The following A2ML1 variants were observed in gnomAD, a reference collection of about 807,000 sequenced individuals.
A2ML1 encodes the protein alpha-2-macroglobulin like 1, also known as alpha-2-macroglobulin-like protein 1.
In A2ML1, 161 loss-of-function variants were observed where a neutral mutation model predicts 181.9. That is an observed-to-expected ratio of 0.89 (90% confidence interval 0.78 to 1.01). The LOEUF (loss-of-function observed/expected upper bound fraction) is 1.01, where lower values mean the gene tolerates loss of function less well. Ranked by LOEUF, A2ML1 falls within the 50% of genes least tolerant of loss-of-function variation. A2ML1 has a pLI of 0.00. For missense variants in A2ML1, 1,670 were observed against 1,768.1 expected, an observed-to-expected ratio of 0.94 and a Z score of 1.00; for synonymous variants, 663 against 666.8, an observed-to-expected ratio of 0.99 and a Z score of 0.09.
At chr12:8,823,697 C>G (rs181352770) in intron 2 of A2ML1, 23 bp from the exon 3 acceptor site, 17 of 1,608,562 alleles carry the variant, frequency 1.1e-5, no homozygotes, top group Non-Finnish European at 1.4e-5. Context: ...TACCCCTCCC[C>G]AGAAGTCCCC....
rs773102798 is a variant in A2ML1 at position 8,857,833 on chromosome 12, A to G, written c.3108-113A>G. ...CTCTCTTTTCTAGGCCTGCTATGGC[A>G]TATGTTCCCTCAGCTCCCCTTCTGG... On this transcript the variant is annotated intron_variant, in intron 25 of 35. Coordinates refer to ENST00000299698, the MANE Select transcript of A2ML1 (RefSeq NM_144670.6). 313 of 1,435,230 alleles carry G rather than the reference A, an allele frequency of 2.2e-4. 6 individuals are homozygous for G. In the South Asian group the frequency reaches 3.7e-3, roughly 17 times the overall value. 88.9% of individuals were successfully genotyped at this position (1,435,230 alleles called of 1,614,324 possible). A position where few individuals can be genotyped will look rare whatever the true frequency, so the allele number is the denominator to read the frequency against.
chr12:8,841,636 A>T, intron 11 of A2ML1, 100 bp downstream of exon 11: 1 of 1,268,354 alleles, frequency 7.9e-7, no homozygotes, highest in Non-Finnish European at 1.1e-6. Flanking sequence ...GCTTGGAATT[A>T]CATCTTTCTC....
In A2ML1 at chr12:8,861,782, C is replaced by T. The variant is rs906079598; in HGVS notation, c.3502+485C>T. Among the ~76,000 whole-genome samples the T allele has an allele frequency of 1.0e-4, 15 of 149,660 alleles. No homozygotes were observed. In the East Asian group the frequency reaches 3.0e-3, roughly 29 times the overall value. Reference sequence around the variant, plus strand: ...TATTACAGGCATGAGCCACCACGCCCGAGTTTCTCTCTTCTTGCCCAAGCT... The same window carrying T: ...TATTACAGGCATGAGCCACCACGCCTGAGTTTCTCTCTTCTTGCCCAAGCT... On this transcript the variant is annotated intron_variant, in intron 28 of 35. Transcript: ENST00000299698.
intron 28 of A2ML1, 87 bp downstream of exon 28, chr12:8,861,384 C>T: frequency 7.0e-7 from 1 of 1,434,308 alleles, no homozygotes; most frequent in Non-Finnish European, 9.6e-7. Flanking sequence ...CTGTCCCACA[C>T]ATGTACTCTA....
intron 4 of A2ML1, among the ~76,000 whole-genome samples, chr12:8,832,375 T>C (rs1455080197): frequency 2.6e-5 from 4 of 152,186 alleles, no homozygotes; most frequent in African/African-American, 9.7e-5. Flanking sequence ...ATTTCTAATC[T>C]TGTAGCTAAT....
intron 22 of A2ML1, 152 bp from the exon 23 acceptor site, chr12:8,855,357 A>C (rs763133912): frequency 8.9e-5 from 58 of 654,282 alleles, no homozygotes; most frequent in Non-Finnish European, 1.2e-4. Context: ...CAGCAAGATC[A>C]CTATGAATAG....
rs1250927039 is a variant in A2ML1 at position 8,874,277 on chromosome 12, A to G, written c.4222-148A>G. On this transcript the variant is annotated intron_variant, in intron 33 of 35. Transcript: ENST00000299698. ...GTGATTCACCCACTTCGGCCTCCCAAAGTGCTGGGATTAGAGGCATGAGCC... is the reference window on the plus strand; with the variant it reads ...GTGATTCACCCACTTCGGCCTCCCAGAGTGCTGGGATTAGAGGCATGAGCC... The G allele has an allele frequency of 5.7e-5, 30 of 530,586 alleles. No individual in the cohort carries two copies. In the East Asian group the frequency reaches 1.0e-3, roughly 18 times the overall value. 32.9% of individuals were successfully genotyped at this position (530,586 alleles called of 1,614,324 possible).
At chr12:8,885,513 A>T (rs1367308680) in intron 7 of A2ML1, among the ~76,000 whole-genome samples, 1 of 152,110 alleles carries the variant, frequency 6.6e-6, no homozygotes, top group Non-Finnish European at 1.5e-5. Flanking sequence ...GTTGGAGTAC[A>T]GTGGTGCAAT....
chr12:8,868,448 G>C, intron 31 of A2ML1, 89 bp from the exon 32 acceptor site: 1 of 1,488,078 alleles, frequency 6.7e-7, no homozygotes, highest in South Asian at 1.2e-5. Context: ...CTGTGTATGT[G>C]TGTGTGTACG....
intron 3 of A2ML1, among the ~76,000 whole-genome samples, chr12:8,828,358 G>T (rs1942998135): frequency 6.6e-6 from 1 of 152,074 alleles, no homozygotes. Flanking sequence ...TTTTCACAGA[G>T]GAGTCTCTCT....
Position 8,847,608 on chromosome 12 carries a change from G to A in A2ML1, c.1743G>A (p.Leu581=). The change falls in exon 15 of 36, where the codon CTG becomes CTA. Residue 581 remains leucine, a synonymous_variant. Transcript: ENST00000299698. The stretch of plus-strand genomic sequence containing the variant: ...CAGGAGCAGAAGTGGAGCTGCAGCT[G>A]CAGGCAGCTCCCGGATCCCTGTGTG... ...QLPGAEVELQ[L]QAAPGSLCAL... 6.2e-7 allele frequency: 1 copy of A among 1,613,532 alleles called. No homozygotes were observed. Among genetic ancestry groups the A allele is most frequent in the South Asian group, 1.1e-5 (1 of 90,976 alleles).
intron 7 of A2ML1, among the ~76,000 whole-genome samples, chr12:8,882,439 A>G (rs1292955897): frequency 6.6e-6 from 1 of 152,166 alleles, no homozygotes; most frequent in Non-Finnish European, 1.5e-5. Context: ...AATAAGCAAA[A>G]TATGTCACAT....
intron 33 of A2ML1, among the ~76,000 whole-genome samples, chr12:8,872,424 T>C (rs1269361533): frequency 1.3e-5 from 2 of 151,350 alleles, no homozygotes; most frequent in Non-Finnish European, 2.9e-5. Flanking sequence ...AAAATATTTA[T>C]TAATTAATTT....
Position 8,847,892 on chromosome 12 carries a change from T to C in A2ML1, c.1833+194T>C, listed in dbSNP as rs12296947. Among the ~76,000 whole-genome samples the C allele has an allele frequency of 0.2, 30,848 of 151,334 alleles. 3,929 individuals carry two copies. Among genetic ancestry groups the C allele is most frequent in the African/African-American group, 0.35 (14,240 of 41,172 alleles). On this transcript the variant is annotated intron_variant, in intron 15 of 35. Coordinates refer to ENST00000299698, the MANE Select transcript of A2ML1 (RefSeq NM_144670.6). ...CGGTGGCTCACGCCTGTAATCCCAGTGCTTTGTGAGGCCGAGGCTGGCAGA... is the reference window on the plus strand; with the variant it reads ...CGGTGGCTCACGCCTGTAATCCCAGCGCTTTGTGAGGCCGAGGCTGGCAGA...
At chr12:8,825,067 T>C (rs936355629) in intron 3 of A2ML1, among the ~76,000 whole-genome samples, 1 of 152,344 alleles carries the variant, frequency 6.6e-6, no homozygotes, top group Middle Eastern at 3.4e-3. Flanking sequence ...GCAGCACAGA[T>C]AGTCTTTGAT....
chr12:8,881,998 G>C (rs931058008), intron 7 of A2ML1, among the ~76,000 whole-genome samples: 3 of 151,332 alleles, frequency 2.0e-5, no homozygotes, highest in African/African-American at 7.3e-5. Context: ...GCGACAGAGC[G>C]AGACTCTGTC....
chr12:8,868,125 C>G, intron 30 of A2ML1, 68 bp downstream of exon 30: 1 of 1,607,296 alleles, frequency 6.2e-7, no homozygotes, highest in Non-Finnish European at 8.5e-7. Context: ...TCCCCTTAGG[C>G]CTTCTCTCTC....
chr12:8,826,553 T>C (rs1231694267), intron 3 of A2ML1, among the ~76,000 whole-genome samples: 1 of 152,220 alleles, frequency 6.6e-6, no homozygotes, highest in East Asian at 1.9e-4. Flanking sequence ...GTTCAAGTGA[T>C]TCTTGTGCTT....
intron 3 of A2ML1, among the ~76,000 whole-genome samples, chr12:8,828,451 C>T (rs1943001811): frequency 1.3e-5 from 2 of 152,162 alleles, no homozygotes; most frequent in Admixed American, 1.3e-4. Flanking sequence ...TCTCCTTTCA[C>T]CAGCTTGTGG....
Sources: gnomAD v4.1 joint callset for allele counts (sites outside exome capture counted in the v4.1 genomes callset) on GRCh38, gnomAD v4.1.1 for gene constraint, MANE v1.5 for transcripts, NCBI Gene and HGNC (gene_info 2026-07-23, HGNC 2026-07-21) for gene names.